The following TTC7B variants were observed in gnomAD, a reference collection of about 807,000 sequenced individuals.
The protein encoded by TTC7B is tetratricopeptide repeat protein 7B.
A neutral mutation model predicts 106.8 loss-of-function variants in TTC7B; 28 were observed. The ratio of observed to expected loss-of-function variants is 0.26; its 90% CI spans 0.19 to 0.36. The LOEUF is 0.36. Among genes scored for constraint, TTC7B ranks in the 10% least tolerant of loss-of-function variants. The probability of loss-of-function intolerance (pLI) is 1.00; values close to 1 mark genes in which losing one functional copy is unlikely to be tolerated. For synonymous variants in TTC7B, 405 were observed against 430.6 expected, an observed-to-expected ratio of 0.94 and a Z score of 0.74; for missense variants, 862 against 1,076.4, an observed-to-expected ratio of 0.80 and a Z score of 2.79.
At chr14:90,692,780 A>ATTCTTGTAGG (rs1887526764) in intron 6 of TTC7B, among the ~76,000 whole-genome samples, 1 of 152,204 alleles carries the variant, frequency 6.6e-6, no homozygotes, top group African/African-American at 2.4e-5. Flanking sequence ...TTTTATCCAT[A>ATTCTTGTAGG]TTCTTGTAGG....
At chr14:90,748,788 C>A (rs1180445343) in intron 3 of TTC7B, among the ~76,000 whole-genome samples, 1 of 152,122 alleles carries the variant, frequency 6.6e-6, no homozygotes, top group South Asian at 2.1e-4. Flanking sequence ...TTTGTTTAGT[C>A]ATTTTTTTAA....
intron 15 of TTC7B, among the ~76,000 whole-genome samples, chr14:90,634,686 C>T (rs1376775564): frequency 1.3e-5 from 2 of 152,006 alleles, no homozygotes; most frequent in East Asian, 3.9e-4. Context: ...GCACAAGAAT[C>T]GCTTGAACCC....
intron 17 of TTC7B, chr14:90,605,543 A>T (rs868276557): frequency 1.2e-5 from 14 of 1,185,262 alleles, no homozygotes; most frequent in South Asian, 6.1e-5. Context: ...GATTATCAGA[A>T]GGTAAAACAC....
chr14:90,543,169 A>T (rs1199742066), intron 19 of TTC7B, among the ~76,000 whole-genome samples: 1 of 152,154 alleles, frequency 6.6e-6, no homozygotes, highest in Non-Finnish European at 1.5e-5. Context: ...GACTTTTGAG[A>T]TTCTTTTCTT....
intron 13 of TTC7B, among the ~76,000 whole-genome samples, chr14:90,651,857 TA>T (rs779960370): frequency 6.6e-6 from 1 of 152,174 alleles, no homozygotes; most frequent in Non-Finnish European, 1.5e-5. Flanking sequence ...GATAAATCAG[TA>T]GGCAGCCCCA....
chr14:90,594,398 A>G lies in TTC7B; in HGVS notation c.1967-772T>C, dbSNP rs1213809877. On this transcript the variant is annotated intron_variant, in intron 17 of 19. Transcript: ENST00000328459. Reference sequence around the variant, plus strand: ...TGGGGGAGTGCACAAGTCAAAATGCAAAACTCATTTCTTTTCACGTTGACC... The same window carrying G: ...TGGGGGAGTGCACAAGTCAAAATGCGAAACTCATTTCTTTTCACGTTGACC... Among the ~76,000 whole-genome samples, 7 of 152,054 alleles carry G rather than the reference A, an allele frequency of 4.6e-5. No individual in the cohort carries two copies. The East Asian group carries it at 1.4e-3, about 29-fold the overall frequency.
chr14:90,761,236 A>G (rs1236956295), intron 3 of TTC7B, among the ~76,000 whole-genome samples: 1 of 151,884 alleles, frequency 6.6e-6, no homozygotes, highest in Non-Finnish European at 1.5e-5. Context: ...ATAAGTGATT[A>G]CCAGCCATTG....
At chr14:90,766,135 G>GTTTTTT (rs3085720) in intron 3 of TTC7B, among the ~76,000 whole-genome samples, 2 of 143,448 alleles carry the variant, frequency 1.4e-5, no homozygotes, top group African/African-American at 5.1e-5. Flanking sequence ...AGCCTACAAC[G>GTTTTTT]TTTTTTTTTT....
chr14:90,724,831 A>T (rs1408842619), intron 5 of TTC7B, among the ~76,000 whole-genome samples: 1 of 152,250 alleles, frequency 6.6e-6, no homozygotes, highest in Non-Finnish European at 1.5e-5. Context: ...ATCCTCATTA[A>T]CTGAATGAAC....
intron 9 of TTC7B, among the ~76,000 whole-genome samples, chr14:90,662,655 T>A (rs974840930): frequency 6.6e-6 from 1 of 152,084 alleles, no homozygotes; most frequent in Non-Finnish European, 1.5e-5. Flanking sequence ...GTGCCTAGAT[T>A]CCCCACTGTA....
intron 16 of TTC7B, 137 bp downstream of exon 16, chr14:90,617,792 A>G: frequency 1.5e-6 from 1 of 680,036 alleles, no homozygotes; most frequent in Non-Finnish European, 2.6e-6. Context: ...CTCCACTGCT[A>G]TCATCTGCCA....
rs1246621280 is a variant in TTC7B, at chr14:90,537,909, T to C, written c.*3459A>G. 1.3e-5 allele frequency: 2 copies of C among 152,278 alleles called. No individual in the cohort carries two copies. The highest frequency in any genetic ancestry group is 4.8e-5 in the African/African-American group (2 of 41,462). 9.4% of individuals were successfully genotyped at this position (152,278 alleles called of 1,614,324 possible). A position where few individuals can be genotyped will look rare whatever the true frequency, so the allele number is the denominator to read the frequency against. On this transcript the variant is annotated 3_prime_UTR_variant, in exon 20 of 20. Coordinates refer to ENST00000328459, the MANE Select transcript of TTC7B (RefSeq NM_001010854.2). ...GTGCCCTCAGTGCCTGGAATAAGCATCTGGCATGTTGTGAGCATTCCATAG... is the reference window on the plus strand; with the variant it reads ...GTGCCCTCAGTGCCTGGAATAAGCACCTGGCATGTTGTGAGCATTCCATAG...
At position 90,657,310 on chromosome 14, in the gene TTC7B, C is replaced by A; in HGVS notation, c.1237-32G>T. 6.2e-7 allele frequency: 1 copy of A among 1,605,832 alleles called. No individual in the cohort carries two copies. The highest frequency in any genetic ancestry group is 1.1e-5 in the South Asian group (1 of 90,826). On this transcript the variant is annotated intron_variant, in intron 10 of 19. Transcript: ENST00000328459. The surrounding 1 kb of genome is among the most constrained non-coding windows in gnomAD (Gnocchi z 4.2). ...AAGAGAAGATTATTTCCGTGAAACT[C>A]AAAGTGTTTGACAGAACCGAATACT...
intron 16 of TTC7B, among the ~76,000 whole-genome samples, chr14:90,611,499 G>A (rs573196500): frequency 1.3e-4 from 20 of 152,204 alleles, no homozygotes; most frequent in Non-Finnish European, 2.2e-4. Flanking sequence ...GTGCTACATC[G>A]TGTGGTTAAC....
intron 17 of TTC7B, among the ~76,000 whole-genome samples, chr14:90,609,062 G>A (rs1207186403): frequency 1.3e-5 from 2 of 152,176 alleles, no homozygotes; most frequent in Non-Finnish European, 2.9e-5. Context: ...GGCTAGTCCT[G>A]ACAGCCTGAC....
intron 19 of TTC7B, among the ~76,000 whole-genome samples, chr14:90,566,082 T>C (rs796072905): frequency 1.4e-4 from 22 of 152,240 alleles, no homozygotes; most frequent in African/African-American, 5.3e-4. Flanking sequence ...CCAGGCACGG[T>C]GGCTCATGCC....
chr14:90,768,993 TG>T (rs767580211), intron 3 of TTC7B, among the ~76,000 whole-genome samples: 1 of 152,212 alleles, frequency 6.6e-6, no homozygotes, highest in Non-Finnish European at 1.5e-5. Context: ...GCTTATGTTT[TG>T]GGGTATACAA....
At chr14:90,793,321 C>T (rs959752196) in intron 1 of TTC7B, among the ~76,000 whole-genome samples, 14 of 151,964 alleles carry the variant, frequency 9.2e-5, no homozygotes, top group Non-Finnish European at 1.9e-4. Flanking sequence ...GTCAGGAGTT[C>T]GAGACCAGCT....
intron 19 of TTC7B, among the ~76,000 whole-genome samples, chr14:90,561,394 C>T (rs944263695): frequency 6.6e-6 from 1 of 152,194 alleles, no homozygotes; most frequent in Non-Finnish European, 1.5e-5. Flanking sequence ...TTGTTATGGG[C>T]TTGGGGTCAC....
Sources: allele counts gnomAD v4.1 joint callset (sites outside exome capture counted in the v4.1 genomes callset), GRCh38; gene constraint gnomAD v4.1.1; non-coding constraint Gnocchi (gnomAD v3.1); transcripts MANE v1.5; gene names NCBI Gene and HGNC (gene_info 2026-07-23, HGNC 2026-07-21).